Variants in FAM78A observed in about 807,000 individuals in gnomAD.
FAM78A encodes the protein protein FAM78A.
FAM78A carries 12 observed loss-of-function variants against 22.6 expected under a neutral mutation model. The ratio of observed to expected loss-of-function variants is 0.53; its 90% CI spans 0.34 to 0.86. FAM78A has a LOEUF of 0.86. FAM78A is among the 40% of genes least tolerant of loss of function. The probability of loss-of-function intolerance (pLI) is 0.02; values close to 1 mark genes in which losing one functional copy is unlikely to be tolerated. For synonymous variants in FAM78A, 151 were observed against 155.8 expected (o/e 0.97, Z 0.23); for missense variants, 322 against 396.1 (o/e 0.81, Z 1.59).
At chr9:131,278,861 C>T (rs1372141140), upstream of FAM78A, among the ~76,000 whole-genome samples, 2 of 152,256 alleles carry the variant, frequency 1.3e-5, no homozygotes, top group African/African-American at 2.4e-5. Flanking sequence ...TGCCCACAGC[C>T]GGCACAGGGC....
At chr9:131,276,771 G>A (rs955739551), upstream of FAM78A, among the ~76,000 whole-genome samples, 2 of 151,278 alleles carry the variant, frequency 1.3e-5, no homozygotes, top group Non-Finnish European at 3.0e-5. The surrounding 1 kb of genome is among the most constrained non-coding windows in gnomAD (Gnocchi z 4.3). Context: ...GCCGCTCGCC[G>A]GTGACGGGGG....
chr9:131,268,892 C>CAA lies in FAM78A; in HGVS notation c.323+6963_323+6964dup, dbSNP rs35244977. 2.3e-3 allele frequency among the ~76,000 whole-genome samples: 309 copies of CAA among 134,104 alleles called. 3 individuals are homozygous for CAA. Among genetic ancestry groups the CAA allele is most frequent in the Non-Finnish European group, 3.5e-3 (223 of 63,130 alleles). The allele number at this position is 134,104 out of a possible 152,430, so 88.0% of individuals were successfully genotyped here. ...TGGGCGACAGAGCGAGACTCCGTCTCAAAAAAAAAAAAAGAAGTGCTCTTA... is the reference window on the plus strand; with the variant it reads ...TGGGCGACAGAGCGAGACTCCGTCTCAAAAAAAAAAAAAAAGAAGTGCTCTTA... On this transcript the variant is annotated intron_variant, in intron 1 of 1. Transcript: ENST00000372271.
chr9:131,273,032 G>A (rs1230007784), intron 1 of FAM78A, among the ~76,000 whole-genome samples: 2 of 152,172 alleles, frequency 1.3e-5, no homozygotes, highest in African/African-American at 2.4e-5. Flanking sequence ...AAGCAAGGCC[G>A]CATCCTGGCC....
intron 1 of FAM78A, among the ~76,000 whole-genome samples, chr9:131,271,852 C>T (rs1174128063): frequency 6.7e-6 from 1 of 149,588 alleles, no homozygotes; most frequent in Non-Finnish European, 1.5e-5. Flanking sequence ...TGAGGAATTG[C>T]GGGGGCCGGG....
intron 1 of FAM78A, among the ~76,000 whole-genome samples, chr9:131,266,638 A>G (rs1413144475): frequency 6.6e-6 from 1 of 151,968 alleles, no homozygotes; most frequent in East Asian, 1.9e-4. Flanking sequence ...CTGCTATTCA[A>G]CGCCACTGGA....
At chr9:131,269,752 T>C (rs971746380) in intron 1 of FAM78A, among the ~76,000 whole-genome samples, 1 of 152,082 alleles carries the variant, frequency 6.6e-6, no homozygotes, top group African/African-American at 2.4e-5. Context: ...GCTGGGATTA[T>C]AGGCGTGAGC....
At chr9:131,270,318 A>G (rs1457951212) in intron 1 of FAM78A, 1 of 717,624 alleles carries the variant, frequency 1.4e-6, no homozygotes, top group Admixed American at 2.0e-5. Context: ...CCCACAAACA[A>G]CAGGTGAAGA....
chr9:131,264,353 A>ACG (rs1236348417), intron 1 of FAM78A: 7 of 520,080 alleles, frequency 1.3e-5, no homozygotes, highest in Non-Finnish European at 2.4e-5. Context: ...GCACTGCGTC[A>ACG]CGCGGGGCAT....
In FAM78A at chr9:131,272,703, G is replaced by A. The variant is rs1020819108; in HGVS notation, c.323+3154C>T. On this transcript the variant is annotated intron_variant, in intron 1 of 1. Transcript: ENST00000372271. This position sits in a 1 kb window ranked among gnomAD's most constrained non-coding sequence, Gnocchi z 4.1. ...CCCAGCCCTTTGGGAGGCCAAGGCA[G>A]GCAGATCACCTGAGGTCAGGAGTTC... Among the ~76,000 whole-genome samples the A allele has an allele frequency of 2.6e-5, 4 of 152,196 alleles. No individual in the cohort carries two copies. Among genetic ancestry groups the A allele is most frequent in the Non-Finnish European group, 4.4e-5 (3 of 68,026 alleles).
Position 131,261,628 on chromosome 9 carries a change from T to C in FAM78A, c.324-278A>G, listed in dbSNP as rs540512928. Among the ~76,000 whole-genome samples the C allele has an allele frequency of 1.8e-4, 27 of 152,214 alleles. No individual in the cohort carries two copies. Among genetic ancestry groups the C allele is most frequent in the African/African-American group, 5.8e-4 (24 of 41,536 alleles). On this transcript the variant is annotated intron_variant, in intron 1 of 1. Coordinates refer to ENST00000372271, the MANE Select transcript of FAM78A (RefSeq NM_033387.4). The surrounding 1 kb of genome is among the most constrained non-coding windows in gnomAD (Gnocchi z 7.1). ...CAGATCCCACACTCCCATGTGGCCA[T>C]GGATATAGTAGCATCTGGGAGCCCA...
In FAM78A at chr9:131,261,880, CT is replaced by C. The variant is rs1342995979; in HGVS notation, c.324-531del. Among the ~76,000 whole-genome samples, 6 of 152,198 alleles carry C rather than the reference CT, an allele frequency of 3.9e-5. No homozygotes were observed. The highest frequency in any genetic ancestry group is 1.4e-4 in the African/African-American group (6 of 41,440). On this transcript the variant is annotated intron_variant, in intron 1 of 1. Coordinates refer to ENST00000372271, the MANE Select transcript of FAM78A (RefSeq NM_033387.4). This position sits in a 1 kb window ranked among gnomAD's most constrained non-coding sequence, Gnocchi z 7.1. ...TCAGGACACCCTGCGCCCACTGCGC[CT>C]TCTGCTCACCTACGTGCACAGCGGG... is the stretch of plus-strand genomic sequence containing the variant.
At chr9:131,264,983 G>A (rs993429185) in intron 1 of FAM78A, among the ~76,000 whole-genome samples, 4 of 151,878 alleles carry the variant, frequency 2.6e-5, no homozygotes, top group African/African-American at 4.8e-5. Flanking sequence ...TTGGCCTCCC[G>A]AAGTGTCTGG....
chr9:131,260,698 T>G lies in FAM78A; in HGVS notation c.*124A>C. The G allele has an allele frequency of 2.0e-4, 251 of 1,255,922 alleles. No homozygotes were observed. The highest frequency in any genetic ancestry group is 2.5e-4 in the Non-Finnish European group (229 of 931,378). 77.8% of individuals were successfully genotyped at this position (1,255,922 alleles called of 1,614,324 possible). ...GGCCTTCCCGGGGGCATCAGCACAG[T>G]GAGATCCGCCCGCTGGAGAGGGTAG... On this transcript the variant is annotated 3_prime_UTR_variant, in exon 2 of 2. Coordinates refer to ENST00000372271, the MANE Select transcript of FAM78A (RefSeq NM_033387.4). The surrounding 1 kb of genome is among the most constrained non-coding windows in gnomAD (Gnocchi z 5.4).
At chr9:131,266,055 G>C (rs911671951) in intron 1 of FAM78A, among the ~76,000 whole-genome samples, 1 of 152,112 alleles carries the variant, frequency 6.6e-6, no homozygotes, top group African/African-American at 2.4e-5. Context: ...CACTGGCCTG[G>C]CTGGCAACGG....
At position 131,274,453 on chromosome 9, in the gene FAM78A, C is replaced by G. The variant is rs1416455471; in HGVS notation, c.323+1404G>C. Among the ~76,000 whole-genome samples, 1 of 152,196 alleles carries G rather than the reference C, an allele frequency of 6.6e-6. No individual in the cohort carries two copies. The highest frequency in any genetic ancestry group is 1.5e-5 in the Non-Finnish European group (1 of 68,044). ...GCTTAGAACAGAAAGGCAGCACCCC[C>G]TCCCCCGAACTGGATTACTAGCTGC... On this transcript the variant is annotated intron_variant, in intron 1 of 1. Transcript: ENST00000372271. This position sits in a 1 kb window ranked among gnomAD's most constrained non-coding sequence, Gnocchi z 4.2.
chr9:131,280,720 A>AAC (rs1407572807), upstream of FAM78A, among the ~76,000 whole-genome samples: 1 of 152,212 alleles, frequency 6.6e-6, no homozygotes, highest in Non-Finnish European at 1.5e-5. Context: ...AAGTAGAAAC[A>AAC]ACACTGACCC....
rs1588197929 is a variant in FAM78A at position 131,265,916 on chromosome 9, C to T, written c.324-4566G>A. Among the ~76,000 whole-genome samples, 2 of 152,192 alleles carry T rather than the reference C, an allele frequency of 1.3e-5. No individual in the cohort carries two copies. Among genetic ancestry groups the T allele is most frequent in the Admixed American group, 1.3e-4 (2 of 15,278 alleles). On this transcript the variant is annotated intron_variant, in intron 1 of 1. Transcript: ENST00000372271. This position sits in a 1 kb window ranked among gnomAD's most constrained non-coding sequence, Gnocchi z 4.3. ...GGAACCCAGGCGTCAGAATGCTTCCCGGGCTGAAGTGGCTTCCTCAGCCTC... is the reference window on the plus strand; with the variant it reads ...GGAACCCAGGCGTCAGAATGCTTCCTGGGCTGAAGTGGCTTCCTCAGCCTC...
chr9:131,274,427 T>C lies in FAM78A; in HGVS notation c.323+1430A>G, dbSNP rs569522023. ...TGCATAACTAAGAATCATGTTTCCC[T>C]GCTTAGAACAGAAAGGCAGCACCCC... is the stretch of plus-strand genomic sequence containing the variant. On this transcript the variant is annotated intron_variant, in intron 1 of 1. Coordinates refer to ENST00000372271, the MANE Select transcript of FAM78A (RefSeq NM_033387.4). This position sits in a 1 kb window ranked among gnomAD's most constrained non-coding sequence, Gnocchi z 4.2. Among the ~76,000 whole-genome samples, 13 of 152,220 alleles carry C rather than the reference T, an allele frequency of 8.5e-5. No homozygotes were observed. The highest frequency in any genetic ancestry group is 1.9e-4 in the Non-Finnish European group (13 of 68,044).
chr9:131,270,811 T>C (rs1409639703), intron 1 of FAM78A, among the ~76,000 whole-genome samples: 2 of 152,176 alleles, frequency 1.3e-5, no homozygotes, highest in Non-Finnish European at 2.9e-5. Flanking sequence ...GCAACACTGC[T>C]CTGGCAACCA....
Sources: gnomAD v4.1 joint callset for allele counts (sites outside exome capture counted in the v4.1 genomes callset) on GRCh38, gnomAD v4.1.1 for gene constraint, Gnocchi (gnomAD v3.1) non-coding constraint, MANE v1.5 for transcripts, NCBI Gene and HGNC (gene_info 2026-07-23, HGNC 2026-07-21) for gene names.